Variants in PTPRD observed in about 807,000 individuals in gnomAD.
PTPRD encodes protein tyrosine phosphatase receptor type D, also known as receptor-type tyrosine-protein phosphatase delta.
In PTPRD, 34 loss-of-function variants were observed where a neutral mutation model predicts 214.5. The ratio of observed to expected loss-of-function variants is 0.16; its 90% CI spans 0.12 to 0.21. The LOEUF is 0.21. PTPRD is among the 10% of genes least tolerant of loss of function. The probability of loss-of-function intolerance (pLI) is 1.00; values close to 1 mark genes in which losing one functional copy is unlikely to be tolerated. For missense variants in PTPRD, 2,545 were observed against 2,398.7 expected, an observed-to-expected ratio of 1.06 and a Z score of -1.27; for synonymous variants, 1,128 against 845.7, an observed-to-expected ratio of 1.33 and a Z score of -5.79.
intron 10 of PTPRD, among the ~76,000 whole-genome samples, chr9:9,150,546 A>T (rs1430168795): frequency 6.6e-6 from 1 of 150,382 alleles, no homozygotes; most frequent in South Asian, 2.1e-4. Context: ...CTGGAGTGCA[A>T]TGGTGTGATT....
At chr9:8,463,232 C>A (rs1461079033) in intron 32 of PTPRD, among the ~76,000 whole-genome samples, 1 of 137,388 alleles carries the variant, frequency 7.3e-6, no homozygotes, top group Non-Finnish European at 1.5e-5. Context: ...AAGAGACTGA[C>A]TAGATTTGCA....
intron 11 of PTPRD, among the ~76,000 whole-genome samples, chr9:8,955,015 A>G (rs1457634210): frequency 6.6e-6 from 1 of 151,880 alleles, no homozygotes; most frequent in Non-Finnish European, 1.5e-5. Context: ...TTTTAAAATG[A>G]TATTGAAAAA....
At chr9:10,515,413 CG>C (rs1348995205) in intron 2 of PTPRD, among the ~76,000 whole-genome samples, 3 of 141,586 alleles carry the variant, frequency 2.1e-5, no homozygotes, top group Non-Finnish European at 4.9e-5. Flanking sequence ...AAAAGGGCAA[CG>C]CCATTTGGCG....
chr9:8,381,360 G>C (rs1564422178), intron 37 of PTPRD, among the ~76,000 whole-genome samples: 1 of 152,080 alleles, frequency 6.6e-6, no homozygotes, highest in Non-Finnish European at 1.5e-5. Context: ...TATTTCTACA[G>C]GTTATAGTAA....
At chr9:9,334,552 G>A (rs1302275006) in intron 9 of PTPRD, among the ~76,000 whole-genome samples, 1 of 151,884 alleles carries the variant, frequency 6.6e-6, no homozygotes, top group Non-Finnish European at 1.5e-5. Flanking sequence ...TCAGTTACGA[G>A]AAATAAATGG....
intron 5 of PTPRD, among the ~76,000 whole-genome samples, chr9:9,870,089 G>A (rs2065040965): frequency 6.6e-6 from 1 of 152,008 alleles, no homozygotes; most frequent in African/African-American, 2.4e-5. Context: ...TGATATCTTA[G>A]ATTTGTTTCA....
At position 9,146,134 on chromosome 9, in the gene PTPRD, A is replaced by T. The variant is rs114700201; in HGVS notation, c.-143+37170T>A. ...TTGATACACATTTTCCACTGTGATA[A>T]TTTCTCATGCTGAACAGAAGTGATC... On this transcript the variant is annotated intron_variant, in intron 10 of 45. Transcript: ENST00000381196. 5.6e-3 allele frequency among the ~76,000 whole-genome samples: 847 copies of T among 152,314 alleles called. 6 individuals carry two copies. Among genetic ancestry groups the T allele is most frequent in the African/African-American group, 0.019 (789 of 41,568 alleles).
At chr9:9,903,286 A>T (rs2382059) in intron 5 of PTPRD, among the ~76,000 whole-genome samples, 145,334 of 152,182 alleles carry the variant, frequency 0.96, 69,394 homozygotes, top group East Asian at 1. Flanking sequence ...TATGTGATGA[A>T]GAACTCGAGT....
At chr9:10,443,093 A>G (rs1467249112) in intron 2 of PTPRD, among the ~76,000 whole-genome samples, 2 of 151,156 alleles carry the variant, frequency 1.3e-5, no homozygotes, top group African/African-American at 2.4e-5. Context: ...AATTTCAGAA[A>G]AAAAAAAAAA....
At chr9:8,813,587 G>A (rs1164232073) in intron 11 of PTPRD, among the ~76,000 whole-genome samples, 1 of 151,998 alleles carries the variant, frequency 6.6e-6, no homozygotes, top group East Asian at 1.9e-4. Context: ...TACCCACGCT[G>A]GACTCAAACT....
intron 3 of PTPRD, among the ~76,000 whole-genome samples, chr9:10,034,700 T>A (rs2097146488): frequency 6.6e-6 from 1 of 152,110 alleles, no homozygotes; most frequent in Non-Finnish European, 1.5e-5. Context: ...CCTGCTTTAG[T>A]TTTCTAAGGA....
chr9:10,169,934 A>T (rs1047208545), intron 3 of PTPRD, among the ~76,000 whole-genome samples: 1 of 152,222 alleles, frequency 6.6e-6, no homozygotes, highest in African/African-American at 2.4e-5. Context: ...CAGCTATAAT[A>T]AATATATTCA....
At chr9:9,939,352 A>G (rs1566541023) in intron 4 of PTPRD, among the ~76,000 whole-genome samples, 1 of 152,152 alleles carries the variant, frequency 6.6e-6, no homozygotes, top group East Asian at 1.9e-4. Context: ...GGTTGTAAGG[A>G]ACTCTAAAAA....
intron 8 of PTPRD, among the ~76,000 whole-genome samples, chr9:9,411,286 A>C (rs2141917471): frequency 7.0e-6 from 1 of 143,820 alleles, no homozygotes; most frequent in African/African-American, 2.6e-5. Flanking sequence ...ACGATAATTA[A>C]GGCAAGGGTG....
chr9:10,422,443 G>T (rs962815034), intron 2 of PTPRD, among the ~76,000 whole-genome samples: 4 of 151,942 alleles, frequency 2.6e-5, no homozygotes, highest in Non-Finnish European at 4.4e-5. Flanking sequence ...GGTAACAAAA[G>T]CCAAAATAGA....
intron 8 of PTPRD, among the ~76,000 whole-genome samples, chr9:9,483,667 G>C (rs1182514514): frequency 6.6e-6 from 1 of 152,044 alleles, no homozygotes; most frequent in Non-Finnish European, 1.5e-5. Context: ...CTTGCAGTGA[G>C]TGATAATACC....
chr9:9,910,814 A>C (rs2153827807), intron 5 of PTPRD, among the ~76,000 whole-genome samples: 1 of 152,142 alleles, frequency 6.6e-6, no homozygotes, highest in Admixed American at 6.6e-5. Flanking sequence ...GAGACTCCTA[A>C]TGGACTGAAT....
At chr9:10,101,697 A>G (rs2098553396) in intron 3 of PTPRD, among the ~76,000 whole-genome samples, 1 of 151,700 alleles carries the variant, frequency 6.6e-6, no homozygotes, top group African/African-American at 2.4e-5. Context: ...ACAACCACAT[A>G]CAAATAAAAG....
chr9:9,929,900 T>A (rs1321750086), intron 5 of PTPRD, among the ~76,000 whole-genome samples: 1 of 152,226 alleles, frequency 6.6e-6, no homozygotes, highest in Non-Finnish European at 1.5e-5. Context: ...GCCATAGTAC[T>A]GCTCTGATTT....
Sources: gnomAD v4.1 joint callset for allele counts (sites outside exome capture counted in the v4.1 genomes callset) on GRCh38, gnomAD v4.1.1 for gene constraint, MANE v1.5 for transcripts, NCBI Gene and HGNC (gene_info 2026-07-23, HGNC 2026-07-21) for gene names.